Variants in OLR1 observed in about 807,000 individuals in gnomAD.
OLR1 encodes oxidized low-density lipoprotein receptor 1.
OLR1 carries 23 observed loss-of-function variants against 31.7 expected under a neutral mutation model. The ratio of observed to expected loss-of-function variants is 0.72; its 90% confidence interval spans 0.52 to 1.03. OLR1 has a LOEUF of 1.03. Among genes scored for constraint, OLR1 ranks in the 50% least tolerant of loss-of-function variants. OLR1 has a pLI of 0.00. For synonymous variants in OLR1, 117 were observed against 115.8 expected (o/e 1.01, Z -0.07); for missense variants, 286 against 315.7 (o/e 0.91, Z 0.71).
intron 3 of OLR1, among the ~76,000 whole-genome samples, chr12:10,165,250 G>A (rs556766335): frequency 1.5e-4 from 22 of 142,676 alleles, no homozygotes; most frequent in African/African-American, 5.8e-4. Context: ...GGGACAGAGC[G>A]AGACTCCCTC....
At chr12:10,160,727 C>A in intron 4 of OLR1, 59 bp downstream of exon 4, 5 of 1,587,110 alleles carry the variant, frequency 3.2e-6, no homozygotes, top group Non-Finnish European at 4.3e-6. Flanking sequence ...ACAGTTTAAA[C>A]CAGATTAATT....
At position 10,166,693 on chromosome 12, in the gene OLR1, C is replaced by T; in HGVS notation, c.424+19G>A. 3 of 1,613,502 alleles carry T rather than the reference C, an allele frequency of 1.9e-6. No individual in the cohort carries two copies. The highest frequency in any genetic ancestry group is 1.7e-5 in the Admixed American group (1 of 59,986). ...AGAAAGCTTCCACTATGTCTCCTTACCCACCCTTCTCCCAATACCTGAACA... is the reference window on the plus strand; with the variant it reads ...AGAAAGCTTCCACTATGTCTCCTTATCCACCCTTCTCCCAATACCTGAACA... On this transcript the variant is annotated intron_variant, in intron 3 of 5. Transcript: ENST00000309539.
chr12:10,161,623 G>C (rs988956119), intron 3 of OLR1, among the ~76,000 whole-genome samples: 1 of 151,954 alleles, frequency 6.6e-6, no homozygotes, highest in Non-Finnish European at 1.5e-5. Context: ...GTCCAGGCTG[G>C]TCTTGAACTC....
intron 1 of OLR1, among the ~76,000 whole-genome samples, chr12:10,171,324 C>T (rs1275468423): frequency 6.6e-6 from 1 of 152,146 alleles, no homozygotes; most frequent in Non-Finnish European, 1.5e-5. Context: ...GAATAAAAGG[C>T]AATTTACCCA....
Position 10,158,759 on chromosome 12 carries a change from C to A in OLR1, c.*1121G>T. ...ATCTCAATAAAGCTTTTAACAAAAG[C>A]AAACATCTCTTGCCTACATAAGGAT... On this transcript the variant is annotated 3_prime_UTR_variant, in exon 6 of 6. Coordinates refer to ENST00000309539, the MANE Select transcript of OLR1 (RefSeq NM_002543.4). 1 of 149,314 alleles carries A rather than the reference C, an allele frequency of 6.7e-6. No homozygotes were observed. 9.2% of individuals were successfully genotyped at this position (149,314 alleles called of 1,614,324 possible). A position where few individuals can be genotyped will look rare whatever the true frequency, so the allele number is the denominator to read the frequency against.
At chr12:10,168,616 C>T (rs972645555) in intron 2 of OLR1, among the ~76,000 whole-genome samples, 4 of 152,158 alleles carry the variant, frequency 2.6e-5, no homozygotes, top group African/African-American at 9.7e-5. Context: ...ACCTCAGCCT[C>T]CTGAGTAGCT....
intron 1 of OLR1, 86 bp downstream of exon 1, chr12:10,171,916 C>T: frequency 2.0e-6 from 2 of 986,678 alleles, no homozygotes; most frequent in Non-Finnish European, 1.6e-6. Context: ...GGGTGTTTAG[C>T]TTTCTAATCC....
intron 3 of OLR1, among the ~76,000 whole-genome samples, chr12:10,166,146 A>T (rs868359390): frequency 3.3e-5 from 5 of 151,686 alleles, no homozygotes; most frequent in Non-Finnish European, 4.4e-5. Flanking sequence ...CAAGAAGCAG[A>T]AGCTTATTGA....
chr12:10,171,285 T>C (rs191369763), intron 1 of OLR1, among the ~76,000 whole-genome samples: 1 of 152,220 alleles, frequency 6.6e-6, no homozygotes. Context: ...TCTCCTTATA[T>C]TCTGTTCATT....
intron 2 of OLR1, 158 bp from the exon 3 acceptor site, chr12:10,167,115 C>G: frequency 1.5e-6 from 1 of 655,376 alleles, no homozygotes; most frequent in Non-Finnish European, 2.6e-6. Context: ...TTTGGAGGTT[C>G]TTGAATATTC....
At chr12:10,173,872 T>C (rs1948745624), upstream of OLR1, among the ~76,000 whole-genome samples, 1 of 152,038 alleles carries the variant, frequency 6.6e-6, no homozygotes, top group African/African-American at 2.4e-5. Context: ...ATGAATATTA[T>C]AGAACATAAA....
upstream of OLR1, among the ~76,000 whole-genome samples, chr12:10,173,851 T>C (rs566647070): frequency 7.8e-4 from 118 of 152,118 alleles, no homozygotes; most frequent in African/African-American, 2.6e-3. Flanking sequence ...GACTCAGTTA[T>C]TTTGGATGCC....
Position 10,166,795 on chromosome 12 carries a change from T to C in OLR1, c.341A>G (p.Asn114Ser), listed in dbSNP as rs368435897. Reference sequence around the variant, plus strand: ...TTCCATTTGCTCTTTGGATTTCTCATTCAGCTTCCGAGCAAGGGTTTCTAT... The same window carrying C: ...TTCCATTTGCTCTTTGGATTTCTCACTCAGCTTCCGAGCAAGGGTTTCTAT... ...EMIETLARKL[N>S]EKSKEQMELH... Residue 114 changes from asparagine to serine, a missense_variant, in exon 3 of 6, where the codon AAT (asparagine) becomes AGT (serine). By Grantham distance (46) the Asn-to-Ser change is conservative (BLOSUM62 1). Coordinates refer to ENST00000309539, the MANE Select transcript of OLR1 (RefSeq NM_002543.4). 39 of 1,613,862 alleles carry C rather than the reference T, an allele frequency of 2.4e-5. No homozygotes were observed. Among genetic ancestry groups the C allele is most frequent in the Middle Eastern group, 3.3e-4 (2 of 6,084 alleles).
chr12:10,168,291 T>C, intron 2 of OLR1, among the ~76,000 whole-genome samples: 1 of 151,542 alleles, frequency 6.6e-6, no homozygotes, highest in East Asian at 1.9e-4. Context: ...TATTTTATTT[T>C]AAATGTTTTA....
chr12:10,170,491 C>CTTTTTTTTTT lies in OLR1; in HGVS notation c.77-1326_77-1317dup, dbSNP rs11377412. On this transcript the variant is annotated intron_variant, in intron 1 of 5. Coordinates refer to ENST00000309539, the MANE Select transcript of OLR1 (RefSeq NM_002543.4). Reference sequence around the variant, plus strand: ...GGGCATCAGATACCCTCATCGTGCTCTTTTTTTTTTTTTTTTTTTTGAGGG... The same window carrying CTTTTTTTTTT: ...GGGCATCAGATACCCTCATCGTGCTCTTTTTTTTTTTTTTTTTTTTTTTTTTTTTTGAGGG... The CTTTTTTTTTT allele has an allele frequency of 1.1e-3, 127 of 116,268 alleles. 2 individuals carry two copies. Among genetic ancestry groups the CTTTTTTTTTT allele is most frequent in the African/African-American group, 3.7e-3 (110 of 29,982 alleles). The allele number at this position is 116,268 out of a possible 1,614,324, so 7.2% of individuals were successfully genotyped here.
intron 3 of OLR1, among the ~76,000 whole-genome samples, chr12:10,166,292 C>G (rs934984562): frequency 2.0e-5 from 3 of 151,924 alleles, no homozygotes; most frequent in Non-Finnish European, 4.4e-5. Flanking sequence ...CTTTGGGAGG[C>G]CAAGATGGGT....
chr12:10,169,868 A>G (rs543052447), intron 1 of OLR1, among the ~76,000 whole-genome samples: 18 of 152,252 alleles, frequency 1.2e-4, no homozygotes, highest in African/African-American at 4.3e-4. Flanking sequence ...ACCATTTTGA[A>G]AAAAAAATCA....
chr12:10,159,945 C>T lies in OLR1; in HGVS notation c.757G>A (p.Ala253Thr). ...CAYIQRGAVY[A>T]ENCILAAFSI... ...AAGGCAGCTAAAATGCAGTTTTCCG[C>T]ATAAACAGCTCCTCGTTGTATATAT... The change falls in exon 6 of 6, where the codon GCG becomes ACG. Residue 253 changes from alanine (A) to threonine (T), a missense_variant. By Grantham distance (58) the Ala-to-Thr change is moderately conservative (BLOSUM62 0). Coordinates refer to ENST00000309539, the MANE Select transcript of OLR1 (RefSeq NM_002543.4). 1 of 1,614,038 alleles carries T rather than the reference C, an allele frequency of 6.2e-7. No homozygotes were observed. Among genetic ancestry groups the T allele is most frequent in the South Asian group, 1.1e-5 (1 of 91,078 alleles).
At chr12:10,162,955 T>TTGTGTG (rs10637880) in intron 3 of OLR1, among the ~76,000 whole-genome samples, 5,209 of 151,360 alleles carry the variant, frequency 0.034, 185 homozygotes, top group African/African-American at 0.089. Flanking sequence ...CTGTATTTCT[T>TTGTGTG]TGTGTGTGTG....
Sources: gnomAD v4.1 joint callset for allele counts (sites outside exome capture counted in the v4.1 genomes callset) on GRCh38, gnomAD v4.1.1 for gene constraint, MANE v1.5 for transcripts, NCBI Gene and HGNC (gene_info 2026-07-23, HGNC 2026-07-21) for gene names.